Variants in SULF1 observed in about 807,000 individuals in gnomAD.
SULF1 encodes the protein sulfatase 1, also known as extracellular sulfatase Sulf-1.
In SULF1, 46 loss-of-function variants were observed where a neutral mutation model predicts 110.5. The ratio of observed to expected loss-of-function variants is 0.42; its 90% CI spans 0.33 to 0.53. The LOEUF (loss-of-function observed/expected upper bound fraction) is 0.53, where lower values mean the gene tolerates loss of function less well. Among genes scored for constraint, SULF1 ranks in the 20% least tolerant of loss-of-function variants. The pLI is 0.12. For synonymous variants in SULF1, 371 were observed against 387.1 expected (o/e 0.96, Z 0.49); for missense variants, 941 against 1,094.2 (o/e 0.86, Z 1.98).
chr8:69,619,901 G>A lies in SULF1; in HGVS notation c.1378-1134G>A, dbSNP rs753883136. ...GTTACAATGCTCTTTTAGCCTTGCC[G>A]TCTGCAGACAGCTTGTTAACCAGTT... On this transcript the variant is annotated intron_variant, in intron 13 of 22. Coordinates refer to ENST00000402687, the MANE Select transcript of SULF1 (RefSeq NM_001128205.2). Among the ~76,000 whole-genome samples the A allele has an allele frequency of 9.2e-5, 14 of 152,170 alleles. 1 individual carries two copies. The highest frequency in any genetic ancestry group is 4.1e-4 in the South Asian group (2 of 4,828).
At chr8:69,535,967 G>A (rs540602179) in intron 3 of SULF1, among the ~76,000 whole-genome samples, 65 of 151,654 alleles carry the variant, frequency 4.3e-4, no homozygotes, top group African/African-American at 1.4e-3. Flanking sequence ...GCAGTGAGCC[G>A]AGATTGTACC....
chr8:69,539,585 A>C (rs1255737542), intron 3 of SULF1, among the ~76,000 whole-genome samples: 1 of 152,208 alleles, frequency 6.6e-6, no homozygotes. Flanking sequence ...CCATTCTTCT[A>C]TTCCAAAGTC....
At chr8:69,640,707 T>G (rs1811411514) in intron 21 of SULF1, 101 bp from the exon 22 acceptor site, 2 of 1,005,754 alleles carry the variant, frequency 2.0e-6, no homozygotes, top group Non-Finnish European at 2.9e-6. Context: ...CACCATGTGT[T>G]TCTTTCTAGG....
At chr8:69,480,827 G>A (rs2150541446) in intron 1 of SULF1, among the ~76,000 whole-genome samples, 1 of 145,168 alleles carries the variant, frequency 6.9e-6, no homozygotes, top group East Asian at 2.2e-4. Flanking sequence ...TCATAGGTGG[G>A]AATTGAACAA....
intron 3 of SULF1, among the ~76,000 whole-genome samples, chr8:69,502,915 G>T (rs997250701): frequency 2.6e-5 from 4 of 151,914 alleles, no homozygotes; most frequent in African/African-American, 9.7e-5. Context: ...TTGAACTCCT[G>T]ACCTCAAGTG....
intron 22 of SULF1, among the ~76,000 whole-genome samples, chr8:69,653,417 T>C (rs969980660): frequency 3.2e-4 from 49 of 152,222 alleles, no homozygotes; most frequent in African/African-American, 1.2e-3. Flanking sequence ...TACCAGTTTA[T>C]TATAAAGGAT....
chr8:69,573,121 C>T (rs1331550533), intron 5 of SULF1, among the ~76,000 whole-genome samples: 1 of 152,214 alleles, frequency 6.6e-6, no homozygotes, highest in African/African-American at 2.4e-5. Flanking sequence ...GCCACTGAGC[C>T]CGGCCCGAGA....
At chr8:69,591,047 C>G (rs1029858970) in intron 8 of SULF1, among the ~76,000 whole-genome samples, 1 of 152,070 alleles carries the variant, frequency 6.6e-6, no homozygotes, top group Non-Finnish European at 1.5e-5. Context: ...ACAGATGTTC[C>G]CTCAAGCTGG....
At chr8:69,571,068 G>A (rs181648009) in intron 5 of SULF1, among the ~76,000 whole-genome samples, 2 of 152,338 alleles carry the variant, frequency 1.3e-5, no homozygotes, top group Non-Finnish European at 2.9e-5. Flanking sequence ...GTCAGTGTGT[G>A]TAGAAAAGGG....
intron 19 of SULF1, among the ~76,000 whole-genome samples, chr8:69,630,060 TAC>T (rs1317239550): frequency 6.6e-6 from 1 of 152,150 alleles, no homozygotes; most frequent in African/African-American, 2.4e-5. Flanking sequence ...TTATTTCAAG[TAC>T]ATAAGTGTAA....
intron 3 of SULF1, among the ~76,000 whole-genome samples, chr8:69,508,085 G>A (rs1016718180): frequency 4.6e-5 from 7 of 151,456 alleles, no homozygotes; most frequent in Non-Finnish European, 1.5e-5. Flanking sequence ...TCAGCTGTGG[G>A]GTTTTTGAGA....
Position 69,613,211 on chromosome 8 carries a change from G to T in SULF1, c.1378-7824G>T, listed in dbSNP as rs190894653. ...GGTTCTCTATTCTGTTCCATTCTAT[G>T]TGCCTGTTTTTATGCCAGTACCATG... On this transcript the variant is annotated intron_variant, in intron 13 of 22. Transcript: ENST00000402687. 2.6e-5 allele frequency among the ~76,000 whole-genome samples: 4 copies of T among 151,150 alleles called. No homozygotes were observed. In the East Asian group the frequency reaches 7.7e-4, roughly 29 times the overall value.
chr8:69,629,558 T>C lies in SULF1; in HGVS notation c.2163T>C (p.Arg721=). The change falls in exon 19 of 23, where the codon CGT becomes CGC. Residue 721 remains arginine, a synonymous_variant. Transcript: ENST00000402687. Reference sequence around the variant, plus strand: ...TGCAACTTTTCAAGGAGAACAACCGTAGGAGGAAGAAGGAGAGGAAGGAGA... The same window carrying C: ...TGCAACTTTTCAAGGAGAACAACCGCAGGAGGAAGAAGGAGAGGAAGGAGA... ...SKLQLFKENN[R]RRKKERKEKR... is the part of the protein sequence containing the mutation. 3 of 1,613,724 alleles carry C rather than the reference T, an allele frequency of 1.9e-6. No homozygotes were observed. The highest frequency in any genetic ancestry group is 4.5e-5 in the East Asian group (2 of 44,872).
At chr8:69,628,981 G>T (rs1810314507) in intron 18 of SULF1, among the ~76,000 whole-genome samples, 1 of 152,110 alleles carries the variant, frequency 6.6e-6, no homozygotes, top group African/African-American at 2.4e-5. Flanking sequence ...GTCCTCTTAG[G>T]TTCAATAAGG....
At chr8:69,471,996 AGT>A (rs1236195814) in intron 1 of SULF1, among the ~76,000 whole-genome samples, 3 of 137,594 alleles carry the variant, frequency 2.2e-5, no homozygotes, top group African/African-American at 8.3e-5. Context: ...AGGGAGAGAA[AGT>A]GAGAGAGAGA....
chr8:69,535,139 A>G (rs1458412060), intron 3 of SULF1, among the ~76,000 whole-genome samples: 1 of 152,180 alleles, frequency 6.6e-6, no homozygotes, highest in Non-Finnish European at 1.5e-5. Context: ...CATTAAGGTC[A>G]CCTGTTCTGT....
At chr8:69,654,082 C>T (rs2130744045) in intron 22 of SULF1, among the ~76,000 whole-genome samples, 1 of 152,312 alleles carries the variant, frequency 6.6e-6, no homozygotes, top group Non-Finnish European at 1.5e-5. Context: ...AATATATGAC[C>T]TCACCCTTTT....
At chr8:69,656,552 TGTAA>T (rs1395214364) in intron 22 of SULF1, among the ~76,000 whole-genome samples, 3 of 152,206 alleles carry the variant, frequency 2.0e-5, no homozygotes, top group Admixed American at 1.3e-4. Context: ...GGCTCCCACT[TGTAA>T]GTGAGAACAT....
At chr8:69,473,458 C>A (rs181824299) in intron 1 of SULF1, 1 of 152,154 alleles carries the variant, frequency 6.6e-6, no homozygotes, top group Non-Finnish European at 1.5e-5. Context: ...TAATCAAATT[C>A]TAAAATAAAG....
Sources: allele counts gnomAD v4.1 joint callset (sites outside exome capture counted in the v4.1 genomes callset), GRCh38; gene constraint gnomAD v4.1.1; transcripts MANE v1.5; gene names NCBI Gene and HGNC (gene_info 2026-07-23, HGNC 2026-07-21).